The following CFAP47 variants were observed in gnomAD, a reference collection of about 807,000 sequenced individuals.
The protein encoded by CFAP47 is cilia- and flagella-associated protein 47.
CFAP47 carries 29 observed loss-of-function variants against 148.1 expected under a neutral mutation model. That is an observed-to-expected ratio of 0.20 (90% CI 0.15 to 0.27). The LOEUF is 0.27. Ranked by LOEUF, CFAP47 falls within the 10% of genes least tolerant of loss-of-function variation. The pLI is 1.00. For synonymous variants in CFAP47, 664 were observed against 577.3 expected (o/e 1.15, Z -2.15); for missense variants, 1,872 against 1,697.5 (o/e 1.10, Z -1.81).
At chrX:35,983,259 T>A (rs1936670715) in intron 15 of CFAP47, among the ~76,000 whole-genome samples, 2 of 111,727 alleles carry the variant, frequency 1.8e-5, no homozygotes, top group African/African-American at 3.3e-5. Context: ...TAGACATTGT[T>A]GTTGTATAGA....
chrX:35,955,932 A>G lies in CFAP47; in HGVS notation c.1175-29A>G, dbSNP rs371126181. 28 of 1,200,242 alleles carry G rather than the reference A, an allele frequency of 2.3e-5. No homozygotes were observed. The African/African-American group carries it at 3.7e-4, about 16-fold the overall frequency. On this transcript the variant is annotated intron_variant, in intron 7 of 63. Transcript: ENST00000378653. ...ATTCTGGATTCCCCAAACACTTTTT[A>G]TGTTCAACAGCTATTATTGCTTTTA...
intron 29 of CFAP47, among the ~76,000 whole-genome samples, chrX:36,077,435 A>G (rs1937886230): frequency 9.3e-6 from 1 of 107,797 alleles, no homozygotes; most frequent in South Asian, 4.1e-4. Context: ...TGTGTCATCT[A>G]TGATTTCTTT....
chrX:36,009,393 T>C (rs1937015175), intron 21 of CFAP47, among the ~76,000 whole-genome samples: 2 of 111,718 alleles, frequency 1.8e-5, no homozygotes, highest in South Asian at 3.7e-4. Context: ...CTGCTGATGA[T>C]TAAATGCTAA....
At chrX:36,225,432 C>G (rs1291103838) in intron 45 of CFAP47, among the ~76,000 whole-genome samples, 1 of 111,212 alleles carries the variant, frequency 9.0e-6, no homozygotes, top group Admixed American at 9.6e-5. Flanking sequence ...GTCAGGTGCC[C>G]ACATCATTGT....
intron 51 of CFAP47, among the ~76,000 whole-genome samples, chrX:36,297,627 G>A (rs1249413984): frequency 9.0e-6 from 1 of 111,555 alleles, no homozygotes; most frequent in Non-Finnish European, 1.9e-5. Flanking sequence ...ATGAGGATCA[G>A]GAAATATCTT....
chrX:35,921,323 A>G (rs1021759467), intron 1 of CFAP47, among the ~76,000 whole-genome samples: 11 of 112,402 alleles, frequency 9.8e-5, no homozygotes, highest in Non-Finnish European at 5.6e-5. Flanking sequence ...ATTAAAAAGT[A>G]TATCTCAAGA....
At chrX:36,009,574 G>A (rs770172809) in intron 21 of CFAP47, among the ~76,000 whole-genome samples, 14 of 112,321 alleles carry the variant, frequency 1.2e-4, no homozygotes, top group African/African-American at 3.2e-4. Context: ...TGAATTGCTT[G>A]CTGTTTTGAC....
intron 49 of CFAP47, among the ~76,000 whole-genome samples, chrX:36,265,237 AT>A (rs1261569091): frequency 9.0e-6 from 1 of 111,731 alleles, no homozygotes; most frequent in Admixed American, 9.5e-5. Context: ...AATGCTACTG[AT>A]TTTTTTGTGG....
intron 21 of CFAP47, among the ~76,000 whole-genome samples, chrX:36,011,137 G>C (rs1444781109): frequency 1.8e-5 from 2 of 111,945 alleles, no homozygotes; most frequent in South Asian, 3.7e-4. Context: ...TGAAGTGTCT[G>C]TTCCTTTAGC....
chrX:36,089,613 G>A (rs1938150114), intron 30 of CFAP47, among the ~76,000 whole-genome samples: 1 of 110,798 alleles, frequency 9.0e-6, no homozygotes, highest in South Asian at 3.8e-4. Context: ...GACCTTCCTT[G>A]CACAAGTTAC....
Position 35,989,304 on chromosome X carries a change from C to T in CFAP47, c.2714-15C>T. Reference sequence around the variant, plus strand: ...ATGTGGAAAATGTCTTATTTTCTCTCTACATTTTCCGTAGGCACTGTTGAA... The same window carrying T: ...ATGTGGAAAATGTCTTATTTTCTCTTTACATTTTCCGTAGGCACTGTTGAA... On this transcript the variant is annotated splice_polypyrimidine_tract_variant and intron_variant, in intron 15 of 63. Transcript: ENST00000378653. 1 of 1,148,092 alleles carries T rather than the reference C, an allele frequency of 8.7e-7. No individual in the cohort carries two copies. The highest frequency in any genetic ancestry group is 1.2e-6 in the Non-Finnish European group (1 of 840,441). The allele number at this position is 1,148,092 out of a possible 1,213,427, so 94.6% of individuals were successfully genotyped here.
chrX:36,102,399 T>C (rs1938391051), intron 32 of CFAP47, among the ~76,000 whole-genome samples: 1 of 111,908 alleles, frequency 8.9e-6, no homozygotes, highest in African/African-American at 3.2e-5. Flanking sequence ...ATTTTAATTC[T>C]TCGTTTTATT....
chrX:36,273,426 C>T (rs1168511578), intron 49 of CFAP47, among the ~76,000 whole-genome samples: 1 of 111,161 alleles, frequency 9.0e-6, no homozygotes, highest in African/African-American at 3.3e-5. Context: ...CCCTCATAGT[C>T]TATTGAGACA....
At chrX:36,169,282 G>T (rs1250807689) in intron 39 of CFAP47, among the ~76,000 whole-genome samples, 1 of 110,129 alleles carries the variant, frequency 9.1e-6, no homozygotes, top group African/African-American at 3.3e-5. Context: ...AGTGTTCTTT[G>T]TGCTTCTTGG....
At chrX:36,269,919 G>A (rs1438916194) in intron 49 of CFAP47, among the ~76,000 whole-genome samples, 1 of 111,654 alleles carries the variant, frequency 9.0e-6, no homozygotes, top group African/African-American at 3.2e-5. Context: ...AGTGTGCACA[G>A]TTTTATGCTG....
intron 37 of CFAP47, among the ~76,000 whole-genome samples, chrX:36,157,373 A>C (rs1939380528): frequency 1.8e-5 from 2 of 112,280 alleles, no homozygotes; most frequent in Admixed American, 1.9e-4. Flanking sequence ...TATATTTTGC[A>C]TCATTACCCC....
chrX:36,365,831 A>G (rs1320099671), intron 61 of CFAP47: 1 of 111,469 alleles, frequency 9.0e-6, no homozygotes, highest in African/African-American at 3.3e-5. Context: ...CTTTTTTTAA[A>G]TGAATGCATA....
chrX:36,177,600 G>A (rs1403387369), intron 39 of CFAP47, among the ~76,000 whole-genome samples: 1 of 111,984 alleles, frequency 8.9e-6, no homozygotes, highest in Non-Finnish European at 1.9e-5. Context: ...GTTTCACAAA[G>A]TTCACAGTTT....
At chrX:36,209,579 A>C (rs782315065) in intron 45 of CFAP47, among the ~76,000 whole-genome samples, 4 of 111,095 alleles carry the variant, frequency 3.6e-5, no homozygotes, top group African/African-American at 1.3e-4. Flanking sequence ...AAATATAATA[A>C]ATTTTATTAT....
Sources: allele counts gnomAD v4.1 joint callset (sites outside exome capture counted in the v4.1 genomes callset), GRCh38; gene constraint gnomAD v4.1.1; transcripts MANE v1.5; gene names NCBI Gene and HGNC (gene_info 2026-07-23, HGNC 2026-07-21).